Variants in ERCC1 observed in about 807,000 individuals in gnomAD.
ERCC1 encodes ERCC excision repair 1, endonuclease non-catalytic subunit.
In ERCC1, 36 loss-of-function variants were observed where a neutral mutation model predicts 37.6. That is an observed-to-expected ratio of 0.96 (90% CI 0.73 to 1.26). The LOEUF (loss-of-function observed/expected upper bound fraction) is 1.26, where lower values mean the gene tolerates loss of function less well. ERCC1 is among the 50% of genes most tolerant of loss of function. The probability of loss-of-function intolerance (pLI) is 0.00; values close to 1 mark genes in which losing one functional copy is unlikely to be tolerated. For missense variants in ERCC1, 349 were observed against 376.5 expected, an observed-to-expected ratio of 0.93 and a Z score of 0.60; for synonymous variants, 156 against 162.1, an observed-to-expected ratio of 0.96 and a Z score of 0.28.
At chr19:45,444,417 G>A (rs1975206704) in intron 1 of ERCC1, among the ~76,000 whole-genome samples, 1 of 150,750 alleles carries the variant, frequency 6.6e-6, no homozygotes, top group African/African-American at 2.4e-5. Flanking sequence ...GACCCAGTTT[G>A]CTGCGGCAAA....
chr19:45,434,018 G>A (rs1464414601), intron 1 of ERCC1, among the ~76,000 whole-genome samples: 2 of 151,796 alleles, frequency 1.3e-5, no homozygotes, highest in Non-Finnish European at 2.9e-5. Flanking sequence ...GCATGCGCCT[G>A]TAGTCCCAGC....
chr19:45,437,911 A>ATTT (rs34041953), intron 1 of ERCC1, among the ~76,000 whole-genome samples: 4 of 143,112 alleles, frequency 2.8e-5, no homozygotes, highest in Admixed American at 6.9e-5. Context: ...TTCTCATCTG[A>ATTT]TTTTTTTTTT....
chr19:45,423,896 G>A lies in ERCC1; in HGVS notation c.-123C>T. On this transcript the variant is annotated 5_prime_UTR_variant, in exon 1 of 10. Coordinates refer to ENST00000300853, the MANE Select transcript of ERCC1 (RefSeq NM_001983.4). ...GCCCACTGCCAGCACGGCCAGCGTG[G>A]CCCAGGGCTCGCAGCACTTCCGGCC... The A allele has an allele frequency of 9.1e-7, 1 of 1,103,150 alleles. No individual in the cohort carries two copies. Among genetic ancestry groups the A allele is most frequent in the Non-Finnish European group, 1.1e-6 (1 of 900,228 alleles). 68.3% of individuals were successfully genotyped at this position (1,103,150 alleles called of 1,614,324 possible). A position where few individuals can be genotyped will look rare whatever the true frequency, so the allele number is the denominator to read the frequency against.
Position 45,419,187 on chromosome 19 carries a change from G to A in ERCC1, c.436C>T (p.His146Tyr), listed in dbSNP as rs1440250803. 1.3e-6 allele frequency: 2 copies of A among 1,592,464 alleles called. No homozygotes were observed. The highest frequency in any genetic ancestry group is 1.3e-5 in the African/African-American group (1 of 74,742). Residue 146 changes from histidine to tyrosine, a missense_variant, in exon 5 of 10, where the codon CAC (histidine) becomes TAC (tyrosine). By Grantham distance (83) the His-to-Tyr change is moderately conservative. Transcript: ENST00000300853. The stretch of plus-strand genomic sequence containing the variant: ...TGGATGTAGTCTGGGTGCAGGTTGT[G>A]GTAGCGGAGGCTGGTGGGGGCAGGG... ...TCALFLSLRY[H>Y]NLHPDYIHGR... is the part of the protein sequence containing the mutation.
Position 45,430,129 on chromosome 19 carries a change from G to A in ERCC1, c.-7-6748C>T, listed in dbSNP as rs188556780. Among the ~76,000 whole-genome samples, 849 of 152,308 alleles carry A rather than the reference G, an allele frequency of 5.6e-3. 13 individuals are homozygous for A. Among genetic ancestry groups the A allele is most frequent in the South Asian group, 0.045 (216 of 4,828 alleles). ...AACTCCGTGACCCACTGAACTGGGA[G>A]CCCCATAAGGGCAGGGTCAAGGCCA... is the stretch of plus-strand genomic sequence containing the variant. On this transcript the variant is annotated intron_variant, in intron 1 of 8. Transcript: ENST00000423698.
chr19:45,424,698 T>C (rs1165244269), upstream of ERCC1, among the ~76,000 whole-genome samples: 1 of 152,186 alleles, frequency 6.6e-6, no homozygotes, highest in East Asian at 1.9e-4. Flanking sequence ...TTACTATTAA[T>C]TTCTAGGGGT....
intron 6 of ERCC1, 161 bp downstream of exon 6, chr19:45,416,660 A>C: frequency 1.6e-6 from 1 of 624,442 alleles, no homozygotes. Context: ...AAAAAAATTA[A>C]GACCTTGTTT....
At chr19:45,418,248 C>T (rs1025616096) in intron 5 of ERCC1, among the ~76,000 whole-genome samples, 1 of 152,038 alleles carries the variant, frequency 6.6e-6, no homozygotes, top group Admixed American at 6.6e-5. Context: ...ATTCAGGAGG[C>T]TGAGTCAGGA....
At chr19:45,437,267 T>A (rs1281707270) in intron 1 of ERCC1, among the ~76,000 whole-genome samples, 5 of 151,092 alleles carry the variant, frequency 3.3e-5, no homozygotes, top group African/African-American at 1.2e-4. Flanking sequence ...AAAAAGAAAA[T>A]ATATATGTGT....
intron 6 of ERCC1, among the ~76,000 whole-genome samples, chr19:45,416,220 C>T (rs1039935789): frequency 2.0e-5 from 3 of 152,206 alleles, no homozygotes; most frequent in Non-Finnish European, 2.9e-5. Context: ...CCAAAAGCCA[C>T]GCCTGGCACT....
At chr19:45,424,923 T>TTTTC (rs564515604), upstream of ERCC1, among the ~76,000 whole-genome samples, 3 of 77,340 alleles carry the variant, frequency 3.9e-5, no homozygotes, top group African/African-American at 3.0e-4. Context: ...CTTTTTTTTC[T>TTTTC]TTTTTTTTTT....
intron 5 of ERCC1, among the ~76,000 whole-genome samples, chr19:45,418,112 C>T (rs1407331238): frequency 6.6e-6 from 1 of 151,824 alleles, no homozygotes; most frequent in Non-Finnish European, 1.5e-5. Context: ...ACCTGTAATC[C>T]CAACACTTTA....
rs371868030 is a variant in ERCC1 at position 45,408,955 on chromosome 19, G to C, written c.*720C>G. On this transcript the variant is annotated 3_prime_UTR_variant, in exon 10 of 10. Transcript: ENST00000300853. ...CCATCCCTCTGCCCCCTACGAAGAA[G>C]AGGAAAAAAGAAAAGGGACAGATGG... The C allele has an allele frequency of 2.5e-6, 4 of 1,613,914 alleles. No individual in the cohort carries two copies. In the African/African-American group the frequency reaches 4.0e-5, roughly 16 times the overall value.
At chr19:45,428,835 G>C (rs1974766497), upstream of ERCC1, 1 of 152,160 alleles carries the variant, frequency 6.6e-6, no homozygotes, top group Non-Finnish European at 1.5e-5. Context: ...TCGCGGCGGG[G>C]CCGGGGACGC....
At chr19:45,432,079 C>T (rs1341884677) in intron 1 of ERCC1, among the ~76,000 whole-genome samples, 1 of 152,042 alleles carries the variant, frequency 6.6e-6, no homozygotes, top group Non-Finnish European at 1.5e-5. Flanking sequence ...TCAAGCAATT[C>T]TCCTGCCTCA....
At chr19:45,421,679 G>A (rs1296506839) in intron 2 of ERCC1, among the ~76,000 whole-genome samples, 2 of 150,310 alleles carry the variant, frequency 1.3e-5, no homozygotes, top group Non-Finnish European at 3.0e-5. Context: ...TGTCACCCAG[G>A]CTGGAGTGCA....
chr19:45,428,688 C>T (rs1379552979), upstream of ERCC1, among the ~76,000 whole-genome samples: 1 of 152,218 alleles, frequency 6.6e-6, no homozygotes, highest in Non-Finnish European at 1.5e-5. Flanking sequence ...GACAATTCCG[C>T]CAAAGGGGAC....
In ERCC1 at chr19:45,409,738, G is replaced by C. The variant is rs747606501; in HGVS notation, c.844-13C>G. 2.5e-6 allele frequency: 2 copies of C among 801,916 alleles called. No individual in the cohort carries two copies. The highest frequency in any genetic ancestry group is 2.7e-5 in the South Asian group (2 of 73,856). 49.7% of individuals were successfully genotyped at this position (801,916 alleles called of 1,614,324 possible). On this transcript the variant is annotated splice_polypyrimidine_tract_variant and intron_variant, in intron 9 of 9. Coordinates refer to ENST00000300853, the MANE Select transcript of ERCC1 (RefSeq NM_001983.4). ...ACAGCCTCCGGGCCTGGATGGGAGGGAGAAAAAAATGAGGAACCAGTCATT... is the reference window on the plus strand; with the variant it reads ...ACAGCCTCCGGGCCTGGATGGGAGGCAGAAAAAAATGAGGAACCAGTCATT...
At chr19:45,441,677 A>ATT (rs772257774) in intron 1 of ERCC1, among the ~76,000 whole-genome samples, 12 of 123,082 alleles carry the variant, frequency 9.7e-5, no homozygotes, top group Non-Finnish European at 1.2e-4. Flanking sequence ...GTCCAGCCTA[A>ATT]TTTTTTTTTT....
Sources: gnomAD v4.1 joint callset for allele counts (sites outside exome capture counted in the v4.1 genomes callset) on GRCh38, gnomAD v4.1.1 for gene constraint, MANE v1.5 for transcripts, NCBI Gene and HGNC (gene_info 2026-07-23, HGNC 2026-07-21) for gene names.